ENOX1: variants seen among roughly 807,000 people sequenced by gnomAD.
ENOX1 encodes the protein candidate growth-related and time keeping constitutive hydroquinone (NADH) oxidase.
Under a neutral mutation model 82.5 loss-of-function variants are expected in ENOX1, and 42 were observed. The observed-to-expected ratio is 0.51, with a 90% CI of 0.40 to 0.66. The LOEUF (loss-of-function observed/expected upper bound fraction) is 0.66. Ranked by LOEUF, ENOX1 falls within the 30% of genes least tolerant of loss-of-function variation. ENOX1 has a pLI of 0.00. For synonymous variants in ENOX1, 271 were observed against 282.2 expected (o/e 0.96, Z 0.40); for missense variants, 608 against 811.6 (o/e 0.75, Z 3.05).
intron 5 of ENOX1, among the ~76,000 whole-genome samples, chr13:43,369,657 TCA>T (rs542131587): frequency 7.9e-4 from 121 of 152,362 alleles, no homozygotes; most frequent in South Asian, 2.7e-3. Flanking sequence ...CATTTTCCGT[TCA>T]GTTTTCCAAA....
At chr13:43,579,638 G>A (rs961786967) in intron 2 of ENOX1, among the ~76,000 whole-genome samples, 4 of 152,204 alleles carry the variant, frequency 2.6e-5, no homozygotes, top group East Asian at 1.9e-4. Context: ...GAGGAACATG[G>A]GAAATGGAGC....
chr13:43,514,531 A>T (rs9533514), intron 2 of ENOX1, among the ~76,000 whole-genome samples: 2 of 151,876 alleles, frequency 1.3e-5, no homozygotes, highest in South Asian at 2.1e-4. Context: ...GGAATGATGA[A>T]GATGCTTGGC....
intron 10 of ENOX1, among the ~76,000 whole-genome samples, chr13:43,325,898 G>A (rs537581681): frequency 6.6e-6 from 1 of 152,228 alleles, no homozygotes; most frequent in South Asian, 2.1e-4. Flanking sequence ...GCTGATGGGT[G>A]GACCCAGTTG....
intron 12 of ENOX1, among the ~76,000 whole-genome samples, chr13:43,293,305 G>A (rs542891779): frequency 6.6e-6 from 1 of 151,880 alleles, no homozygotes; most frequent in Admixed American, 6.5e-5. Context: ...GGCCACCACA[G>A]CCAGCACCCC....
At chr13:43,597,050 T>A (rs2081504937) in intron 2 of ENOX1, among the ~76,000 whole-genome samples, 1 of 152,040 alleles carries the variant, frequency 6.6e-6, no homozygotes, top group Non-Finnish European at 1.5e-5. Flanking sequence ...AAACTTACAA[T>A]CACGTCAGAA....
At chr13:43,498,059 A>G (rs1195695725) in intron 2 of ENOX1, among the ~76,000 whole-genome samples, 1 of 152,038 alleles carries the variant, frequency 6.6e-6, no homozygotes. Context: ...ACTAAACCAT[A>G]TATATTTCAC....
chr13:43,777,687 C>T (rs961759969), intron 1 of ENOX1, among the ~76,000 whole-genome samples: 12 of 151,772 alleles, frequency 7.9e-5, no homozygotes, highest in African/African-American at 2.9e-4. Context: ...GGATTACAGG[C>T]GCCCACCACT....
chr13:43,371,801 T>C (rs2051262079), intron 5 of ENOX1, among the ~76,000 whole-genome samples: 1 of 152,194 alleles, frequency 6.6e-6, no homozygotes, highest in Non-Finnish European at 1.5e-5. Flanking sequence ...AATATCAGTA[T>C]ATAGCTGTAG....
chr13:43,435,578 TC>T (rs2055971146), intron 3 of ENOX1, among the ~76,000 whole-genome samples: 2 of 152,208 alleles, frequency 1.3e-5, no homozygotes, highest in South Asian at 4.1e-4. Flanking sequence ...TTCATATGCT[TC>T]AAGAAATAAA....
chr13:43,328,738 T>C (rs1043873455), intron 9 of ENOX1, among the ~76,000 whole-genome samples: 2 of 152,184 alleles, frequency 1.3e-5, no homozygotes, highest in South Asian at 4.1e-4. Flanking sequence ...ACTCAAGCCA[T>C]GTGCTATTAG....
intron 5 of ENOX1, among the ~76,000 whole-genome samples, chr13:43,397,632 C>T (rs1420745946): frequency 3.9e-5 from 6 of 152,112 alleles, no homozygotes; most frequent in Admixed American, 3.3e-4. Context: ...AGTACTTTTG[C>T]CCTATAGGCA....
intron 1 of ENOX1, among the ~76,000 whole-genome samples, chr13:43,726,376 C>T (rs2088957753): frequency 6.6e-6 from 1 of 151,998 alleles, no homozygotes; most frequent in South Asian, 2.1e-4. Flanking sequence ...ATCACTACAC[C>T]TAGCTAATTT....
chr13:43,415,401 G>A (rs1027356920), intron 3 of ENOX1, among the ~76,000 whole-genome samples: 11 of 151,994 alleles, frequency 7.2e-5, no homozygotes, highest in East Asian at 3.9e-4. Flanking sequence ...GCGGCCTTCC[G>A]CAGTGTTTGT....
intron 9 of ENOX1, among the ~76,000 whole-genome samples, chr13:43,328,797 T>C (rs1334494697): frequency 1.3e-5 from 2 of 152,334 alleles, no homozygotes; most frequent in South Asian, 2.1e-4. Context: ...AACATGTTAT[T>C]ACCATATCCC....
At chr13:43,619,421 C>G (rs1286993486) in intron 2 of ENOX1, among the ~76,000 whole-genome samples, 1 of 151,860 alleles carries the variant, frequency 6.6e-6, no homozygotes, top group Non-Finnish European at 1.5e-5. Flanking sequence ...AAGGTATGCC[C>G]CTTGTATGCT....
In ENOX1 at chr13:43,715,836, C is replaced by G. The variant is rs565972109; in HGVS notation, c.-284-48292G>C. Among the ~76,000 whole-genome samples the G allele has an allele frequency of 5.9e-5, 9 of 152,138 alleles. No individual in the cohort carries two copies. In the South Asian group the frequency reaches 1.9e-3, roughly 32 times the overall value. On this transcript the variant is annotated intron_variant, in intron 1 of 16. Transcript: ENST00000690772. Reference sequence around the variant, plus strand: ...GCTCCATCAGCTCCTTTAAGGACTTCTCTGCATTGGTTTTTCTAGGTAACC... The same window carrying G: ...GCTCCATCAGCTCCTTTAAGGACTTGTCTGCATTGGTTTTTCTAGGTAACC...
intron 3 of ENOX1, among the ~76,000 whole-genome samples, chr13:43,437,786 G>T (rs988910640): frequency 6.6e-6 from 1 of 152,008 alleles, no homozygotes; most frequent in Admixed American, 6.6e-5. Flanking sequence ...TTAAATTCTA[G>T]GTGAACAAGA....
chr13:43,473,146 G>A (rs759221566), intron 3 of ENOX1, among the ~76,000 whole-genome samples: 1 of 152,078 alleles, frequency 6.6e-6, no homozygotes, highest in African/African-American at 2.4e-5. Context: ...TCTCAATTTA[G>A]TAATCTTTCT....
chr13:43,646,235 G>A (rs73184184), intron 2 of ENOX1, among the ~76,000 whole-genome samples: 5,277 of 152,264 alleles, frequency 0.035, 132 homozygotes, highest in Non-Finnish European at 0.054. Context: ...CAGGAGTTTC[G>A]TGTCTTCTGC....
Sources: gnomAD v4.1 joint callset for allele counts (sites outside exome capture counted in the v4.1 genomes callset) on GRCh38, gnomAD v4.1.1 for gene constraint, MANE v1.5 for transcripts, NCBI Gene and HGNC (gene_info 2026-07-23, HGNC 2026-07-21) for gene names.